PCDHGB6: variants seen among roughly 807,000 people sequenced by gnomAD.
The protein encoded by PCDHGB6 is protocadherin gamma-B6.
Under a neutral mutation model 59.1 loss-of-function variants are expected in PCDHGB6, and 51 were observed. That is an observed-to-expected ratio of 0.86 (90% CI 0.69 to 1.09). The LOEUF (loss-of-function observed/expected upper bound fraction) is 1.09, where lower values mean the gene tolerates loss of function less well. Among genes scored for constraint, PCDHGB6 ranks in the 50% least tolerant of loss-of-function variants. The pLI is 0.00. For missense variants in PCDHGB6, 1,148 were observed against 1,205.1 expected (o/e 0.95, Z 0.70); for synonymous variants, 466 against 495.1 (o/e 0.94, Z 0.78).
chr5:141,419,391 G>A, intron 1 of PCDHGB6: 1 of 1,613,630 alleles, frequency 6.2e-7, no homozygotes. Flanking sequence ...AGCGCGCAGA[G>A]CGGGGTGGTG....
In PCDHGB6 at chr5:141,409,049, AG is replaced by A; in HGVS notation, c.848del (p.Ser283ThrfsTer18). Reference sequence around the variant, plus strand: ...TGCTGAGATAAACTACTACTTCCGAAGCACTGCCCAGAGCACAAAACATATG... The same window carrying A: ...TGCTGAGATAAACTACTACTTCCGAACACTGCCCAGAGCACAAAACATATG... The part of the protein sequence containing the change: ...VNAEINYYFR[S>X]TAQSTKHMFS... On this transcript the variant is annotated frameshift_variant, in exon 1 of 4. Transcript: ENST00000520790. LOFTEE classifies it high-confidence loss of function. 1 of 1,614,028 alleles carries A rather than the reference AG, an allele frequency of 6.2e-7. No individual in the cohort carries two copies. Among genetic ancestry groups the A allele is most frequent in the African/African-American group, 1.3e-5 (1 of 75,050 alleles).
chr5:141,496,888 T>TAAA (rs35063790), intron 2 of PCDHGB6, among the ~76,000 whole-genome samples: 5 of 134,118 alleles, frequency 3.7e-5, no homozygotes, highest in East Asian at 4.4e-4. Context: ...AAGTAACACT[T>TAAA]AAAAAAAAAA....
chr5:141,413,019 C>A (rs1056458163), intron 1 of PCDHGB6: 24 of 683,104 alleles, frequency 3.5e-5, no homozygotes, highest in Non-Finnish European at 5.2e-5. Flanking sequence ...ACTACACAAG[C>A]CCCACAAACC....
At position 141,491,150 on chromosome 5, in the gene PCDHGB6, A is replaced by G; in HGVS notation, c.2419-3657A>G. On this transcript the variant is annotated intron_variant, in intron 1 of 3. Coordinates refer to ENST00000520790, the MANE Select transcript of PCDHGB6 (RefSeq NM_018926.3). This position sits in a 1 kb window ranked among gnomAD's most constrained non-coding sequence, Gnocchi z 6.9. ...CGCACAGCCCGGGCCTTACTGGAGG[A>G]TGACTCTGACACCCAGCAGGTGGTG... is the stretch of plus-strand genomic sequence containing the variant. 1 of 1,614,122 alleles carries G rather than the reference A, an allele frequency of 6.2e-7. No individual in the cohort carries two copies. Among genetic ancestry groups the G allele is most frequent in the African/African-American group, 1.3e-5 (1 of 75,060 alleles).
chr5:141,483,133 T>C (rs1263073911), intron 1 of PCDHGB6, among the ~76,000 whole-genome samples: 25 of 152,142 alleles, frequency 1.6e-4, no homozygotes, highest in South Asian at 1.2e-3. Flanking sequence ...GGAGATGAGG[T>C]GAAGCAAGTA....
chr5:141,483,869 G>A (rs2099587910), intron 1 of PCDHGB6, among the ~76,000 whole-genome samples: 1 of 152,126 alleles, frequency 6.6e-6, no homozygotes, highest in South Asian at 2.1e-4. Flanking sequence ...GTCCAGATCA[G>A]GATGGATTTT....
At chr5:141,423,294 C>T (rs1222440954) in intron 1 of PCDHGB6, 22 of 1,614,036 alleles carry the variant, frequency 1.4e-5, no homozygotes, top group Admixed American at 1.3e-4. Flanking sequence ...AAACCTCAGA[C>T]CTCTCGCTGT....
intron 2 of PCDHGB6, among the ~76,000 whole-genome samples, chr5:141,499,326 C>G (rs1465474737): frequency 6.6e-6 from 1 of 152,156 alleles, no homozygotes; most frequent in Non-Finnish European, 1.5e-5. Flanking sequence ...TATCCCTGCT[C>G]TCTCTCAGTT....
At position 141,485,314 on chromosome 5, in the gene PCDHGB6, T is replaced by A. The variant is rs1292296791; in HGVS notation, c.2419-9493T>A. The A allele has an allele frequency of 1.2e-6, 2 of 1,614,150 alleles. No homozygotes were observed. The highest frequency in any genetic ancestry group is 1.7e-6 in the Non-Finnish European group (2 of 1,180,032). ...CACAGGAAGGGACTTTTGTAGGGAA[T>A]GTCGCTCAAGATTTCCTGCTGGATA... On this transcript the variant is annotated intron_variant, in intron 1 of 3. Coordinates refer to ENST00000520790, the MANE Select transcript of PCDHGB6 (RefSeq NM_018926.3). This position sits in a 1 kb window ranked among gnomAD's most constrained non-coding sequence, Gnocchi z 5.7.
chr5:141,415,409 TG>T (rs763291157), intron 1 of PCDHGB6: 1 of 1,614,208 alleles, frequency 6.2e-7, no homozygotes, highest in Non-Finnish European at 8.5e-7. Context: ...TCGCACTTTG[TG>T]GGCGTGGACG....
rs1228603483 is a variant in PCDHGB6 at position 141,409,045 on chromosome 5, C to T, written c.843C>T (p.Phe281=). 6.2e-7 allele frequency: 1 copy of T among 1,613,878 alleles called. No individual in the cohort carries two copies. The highest frequency in any genetic ancestry group is 8.5e-7 in the Non-Finnish European group (1 of 1,179,912). The change falls in exon 1 of 4, where the codon TTC becomes TTT. Residue 281 remains phenylalanine, a synonymous_variant. Transcript: ENST00000520790. ...TCAATGCTGAGATAAACTACTACTT[C>T]CGAAGCACTGCCCAGAGCACAAAAC... ...EGVNAEINYY[F]RSTAQSTKHM... is the part of the protein sequence containing the mutation.
Position 141,490,583 on chromosome 5 carries a change from A to G in PCDHGB6, c.2419-4224A>G, listed in dbSNP as rs2099701693. ...ATCAGGCTCAACATTTCAGATGTCAATGACAATGCACCCCGCTTCAACCAG... is the reference window on the plus strand; with the variant it reads ...ATCAGGCTCAACATTTCAGATGTCAGTGACAATGCACCCCGCTTCAACCAG... On this transcript the variant is annotated intron_variant, in intron 1 of 3. Coordinates refer to ENST00000520790, the MANE Select transcript of PCDHGB6 (RefSeq NM_018926.3). This position sits in a 1 kb window ranked among gnomAD's most constrained non-coding sequence, Gnocchi z 5.4. 2.5e-6 allele frequency: 4 copies of G among 1,614,138 alleles called. No homozygotes were observed. Among genetic ancestry groups the G allele is most frequent in the African/African-American group, 1.3e-5 (1 of 75,032 alleles).
rs549557253 is a variant in PCDHGB6 at position 141,503,310 on chromosome 5, T to C, written c.2478-2083T>C. 2.6e-5 allele frequency among the ~76,000 whole-genome samples: 4 copies of C among 152,176 alleles called. No homozygotes were observed. The East Asian group carries it at 7.7e-4, about 29-fold the overall frequency. On this transcript the variant is annotated intron_variant, in intron 2 of 3. Coordinates refer to ENST00000520790, the MANE Select transcript of PCDHGB6 (RefSeq NM_018926.3). ...TACATAGAAATTGCTCAAGAAAGAA[T>C]TGTTGGAGGGGCGCGGTGGCTCACG...
intron 1 of PCDHGB6, chr5:141,421,202 C>G (rs1345590720): frequency 6.6e-7 from 1 of 1,519,226 alleles, no homozygotes; most frequent in Non-Finnish European, 8.8e-7. Flanking sequence ...CTCGAGAAAC[C>G]GCGGAATATC....
intron 3 of PCDHGB6, among the ~76,000 whole-genome samples, chr5:141,508,957 C>T (rs1242113190): frequency 6.6e-6 from 1 of 151,976 alleles, no homozygotes; most frequent in Non-Finnish European, 1.5e-5. Context: ...GAAATGTCAG[C>T]GGAATGAAAG....
chr5:141,485,886 A>G lies in PCDHGB6; in HGVS notation c.2419-8921A>G. 1.9e-6 allele frequency: 3 copies of G among 1,614,132 alleles called. No individual in the cohort carries two copies. Among genetic ancestry groups the G allele is most frequent in the Non-Finnish European group, 2.5e-6 (3 of 1,180,016 alleles). On this transcript the variant is annotated intron_variant, in intron 1 of 3. Transcript: ENST00000520790. This position sits in a 1 kb window ranked among gnomAD's most constrained non-coding sequence, Gnocchi z 5.7. ...GTATCCGTGCTGGACGTAAACGACAACGCCCCAGCCTTCCAGCAATCCAGC... is the reference window on the plus strand; with the variant it reads ...GTATCCGTGCTGGACGTAAACGACAGCGCCCCAGCCTTCCAGCAATCCAGC...
rs118080774 is a variant in PCDHGB6, at chr5:141,422,026, G to A, written c.2418+11406G>A. On this transcript the variant is annotated intron_variant, in intron 1 of 3. Coordinates refer to ENST00000520790, the MANE Select transcript of PCDHGB6 (RefSeq NM_018926.3). ...CGGAACTCGGGTGCTGATGGTTAAT[G>A]CAACGGATCCAGACGAGGGAATCAA... 69 of 1,611,394 alleles carry A rather than the reference G, an allele frequency of 4.3e-5. No individual in the cohort carries two copies. The East Asian group carries it at 1.4e-3, about 32-fold the overall frequency.
rs1207371456 is a variant in PCDHGB6 at position 141,487,371 on chromosome 5, G to A, written c.2419-7436G>A. On this transcript the variant is annotated intron_variant, in intron 1 of 3. Transcript: ENST00000520790. The surrounding 1 kb of genome is among the most constrained non-coding windows in gnomAD (Gnocchi z 5.0). ...TGCTTTCCTGCTGGCACCTGTGCCT[G>A]TCTCACCAGATCTCGAAGGAGGGAG... The A allele has an allele frequency of 4.3e-6, 7 of 1,614,076 alleles. No individual in the cohort carries two copies. In the Admixed American group the frequency reaches 5.0e-5, roughly 12 times the overall value.
intron 1 of PCDHGB6, among the ~76,000 whole-genome samples, chr5:141,451,522 A>G (rs1387873094): frequency 6.6e-6 from 1 of 152,200 alleles, no homozygotes; most frequent in Non-Finnish European, 1.5e-5. Flanking sequence ...TAGAGCAAGT[A>G]AAGGAGAGTG....
Sources: allele counts gnomAD v4.1 joint callset (sites outside exome capture counted in the v4.1 genomes callset), GRCh38; gene constraint gnomAD v4.1.1; non-coding constraint Gnocchi (gnomAD v3.1); transcripts MANE v1.5; gene names NCBI Gene and HGNC (gene_info 2026-07-23, HGNC 2026-07-21).